The following MPRIP variants were observed in gnomAD, a reference collection of about 807,000 sequenced individuals.
MPRIP encodes the protein myosin phosphatase Rho interacting protein.
MPRIP carries 59 observed loss-of-function variants against 234.9 expected under a neutral mutation model. The observed-to-expected ratio is 0.25, with a 90% CI of 0.20 to 0.31. The LOEUF (loss-of-function observed/expected upper bound fraction) is 0.31. Among genes scored for constraint, MPRIP ranks in the 10% least tolerant of loss-of-function variants. MPRIP has a pLI of 1.00. For missense variants in MPRIP, 2,436 were observed against 3,071.0 expected, an observed-to-expected ratio of 0.79 and a Z score of 4.89; for synonymous variants, 1,144 against 1,263.9, an observed-to-expected ratio of 0.91 and a Z score of 2.01.
At chr17:17,096,389 A>G (rs1182226069) in intron 3 of MPRIP, among the ~76,000 whole-genome samples, 1 of 151,864 alleles carries the variant, frequency 6.6e-6, no homozygotes, top group Non-Finnish European at 1.5e-5. Flanking sequence ...GTGTGTTGGC[A>G]TCCTGCATTA....
At chr17:17,184,435 C>G (rs181694474) in intron 23 of MPRIP, among the ~76,000 whole-genome samples, 1 of 152,240 alleles carries the variant, frequency 6.6e-6, no homozygotes, top group Non-Finnish European at 1.5e-5. Context: ...TGAAGAATCT[C>G]TGGAGCTGGA....
At position 17,142,776 on chromosome 17, in the gene MPRIP, G is replaced by T. The variant is rs1427572504; in HGVS notation, c.1389+11G>T. ...TTCCCTAGGAAGCGGGTGAGCTCCTGGGGCTGGGCAGCACCTCAGGGGTGG... is the reference window on the plus strand; with the variant it reads ...TTCCCTAGGAAGCGGGTGAGCTCCTTGGGCTGGGCAGCACCTCAGGGGTGG... On this transcript the variant is annotated intron_variant, in intron 8 of 23. Coordinates refer to ENST00000651222, the MANE Select transcript of MPRIP (RefSeq NM_001364716.4). 1.2e-6 allele frequency: 2 copies of T among 1,611,384 alleles called. No homozygotes were observed. Among genetic ancestry groups the T allele is most frequent in the Non-Finnish European group, 1.7e-6 (2 of 1,179,212 alleles).
chr17:17,151,622 T>C (rs2045605305), intron 12 of MPRIP, among the ~76,000 whole-genome samples: 1 of 152,244 alleles, frequency 6.6e-6, no homozygotes, highest in African/African-American at 2.4e-5. Flanking sequence ...AATTTCCTGC[T>C]TCTGGCCAGG....
intron 3 of MPRIP, among the ~76,000 whole-genome samples, chr17:17,098,293 C>T (rs2089891238): frequency 6.6e-6 from 1 of 152,202 alleles, no homozygotes; most frequent in South Asian, 2.1e-4. Flanking sequence ...CTCCACCACC[C>T]ATTTGGCCTT....
chr17:17,139,620 CA>C (rs1287513053), intron 7 of MPRIP, among the ~76,000 whole-genome samples: 1 of 152,182 alleles, frequency 6.6e-6, no homozygotes, highest in Non-Finnish European at 1.5e-5. Flanking sequence ...CCTCGAAGGG[CA>C]GGTGGAGGGA....
chr17:17,094,560 A>C (rs559512283), intron 3 of MPRIP, among the ~76,000 whole-genome samples: 1 of 146,040 alleles, frequency 6.8e-6, no homozygotes, highest in African/African-American at 2.5e-5. Context: ...AGTGTGTCTT[A>C]TATTTTCTTC....
rs1311322418 is a variant in MPRIP, at chr17:17,187,066, C to T, written c.*2172C>T. 6.6e-6 allele frequency: 1 copy of T among 152,338 alleles called. No homozygotes were observed. The highest frequency in any genetic ancestry group is 1.5e-5 in the Non-Finnish European group (1 of 68,122). The allele number at this position is 152,338 out of a possible 1,614,324, so 9.4% of individuals were successfully genotyped here. A position where few individuals can be genotyped will look rare whatever the true frequency, so the allele number is the denominator to read the frequency against. ...CTGGGGGTGGACCCCACTGGCCCTT[C>T]TGCAGACAGCTCCCTGCCTTCTGCC... On this transcript the variant is annotated 3_prime_UTR_variant, in exon 24 of 24. Coordinates refer to ENST00000651222, the MANE Select transcript of MPRIP (RefSeq NM_001364716.4).
At chr17:17,177,543 G>A in intron 22 of MPRIP, 131 bp downstream of exon 22, 1 of 987,012 alleles carries the variant, frequency 1.0e-6, no homozygotes, top group Non-Finnish European at 1.5e-6. Context: ...CATCCCAGTG[G>A]AGCAGGAGCA....
rs112586562 is a variant in MPRIP, at chr17:17,049,227, A to G, written c.123+6256A>G. The stretch of plus-strand genomic sequence containing the variant: ...TGACTGCTAATGAGACTGGGGTTCT[A>G]TTTTGGGGGTGATGAAATGTTTTGG... On this transcript the variant is annotated intron_variant, in intron 1 of 23. Transcript: ENST00000651222. 7.3e-3 allele frequency among the ~76,000 whole-genome samples: 1,105 copies of G among 152,258 alleles called. 7 individuals carry two copies. The highest frequency in any genetic ancestry group is 0.011 in the Non-Finnish European group (761 of 67,996).
rs1034465144 is a variant in MPRIP at position 17,143,610 on chromosome 17, C to A, written c.1444C>A (p.Leu482Met). Residue 482 changes from leucine (L) to methionine (M), a missense_variant, in exon 9 of 24, where the codon CTG (leucine) becomes ATG (methionine). By Grantham distance (15) the Leu-to-Met change is conservative (BLOSUM62 2). Coordinates refer to ENST00000651222, the MANE Select transcript of MPRIP (RefSeq NM_001364716.4). ...TCTCCCAGACGCCTCGGCTTCCCCCCTGTCTCCACACCGAAGAGCCAAGTC... is the reference window on the plus strand; with the variant it reads ...TCTCCCAGACGCCTCGGCTTCCCCCATGTCTCCACACCGAAGAGCCAAGTC... ...APLPDASASP[L>M]SPHRRAKSLD... The A allele has an allele frequency of 1.9e-6, 3 of 1,607,194 alleles. No homozygotes were observed. Among genetic ancestry groups the A allele is most frequent in the South Asian group, 2.2e-5 (2 of 89,268 alleles).
At chr17:17,095,000 T>C (rs903108126) in intron 3 of MPRIP, among the ~76,000 whole-genome samples, 4 of 152,242 alleles carry the variant, frequency 2.6e-5, no homozygotes, top group African/African-American at 9.6e-5. Context: ...ATTCTCTAAG[T>C]TTATTGTCTT....
At chr17:17,115,446 G>A (rs564603121) in intron 3 of MPRIP, among the ~76,000 whole-genome samples, 14 of 152,202 alleles carry the variant, frequency 9.2e-5, no homozygotes, top group Non-Finnish European at 1.6e-4. Context: ...GCAGGGAGGC[G>A]AGCTCTTTCT....
chr17:17,187,001 CT>C lies in MPRIP; in HGVS notation c.*2109del, dbSNP rs1425722615. 1.3e-5 allele frequency: 2 copies of C among 152,282 alleles called. No individual in the cohort carries two copies. The highest frequency in any genetic ancestry group is 1.3e-4 in the Admixed American group (2 of 15,286). 9.4% of individuals were successfully genotyped at this position (152,282 alleles called of 1,614,324 possible). On this transcript the variant is annotated 3_prime_UTR_variant, in exon 24 of 24. Transcript: ENST00000651222. ...CGTTCTCTGAGGTCCACCACCTGCC[CT>C]TCCTGGCATGGTTTCCTTCGTGACC... is the stretch of plus-strand genomic sequence containing the variant.
intron 4 of MPRIP, among the ~76,000 whole-genome samples, chr17:17,129,915 C>T (rs982853166): frequency 5.3e-5 from 8 of 152,226 alleles, no homozygotes; most frequent in African/African-American, 1.9e-4. Flanking sequence ...TCCCATAGGG[C>T]TTGTGAACAT....
At chr17:17,123,703 C>CAAAAAAAAAAAAAA (rs371753802) in intron 3 of MPRIP, among the ~76,000 whole-genome samples, 1 of 59,286 alleles carries the variant, frequency 1.7e-5, no homozygotes, top group African/African-American at 5.3e-5. Flanking sequence ...GACTTCGTCT[C>CAAAAAAAAAAAAAA]AAAAAAAAAA....
intron 3 of MPRIP, among the ~76,000 whole-genome samples, chr17:17,123,650 G>A (rs2090434605): frequency 6.8e-6 from 1 of 146,138 alleles, no homozygotes; most frequent in Non-Finnish European, 1.5e-5. Context: ...GTTGCAGTGA[G>A]CTGAGATCAC....
intron 7 of MPRIP, among the ~76,000 whole-genome samples, chr17:17,140,742 T>C (rs1472939957): frequency 9.2e-5 from 14 of 152,194 alleles, no homozygotes; most frequent in Admixed American, 9.2e-4. Context: ...GAGTGTTTCT[T>C]GGATAGTGAG....
chr17:17,172,664 T>C (rs2046166906), intron 17 of MPRIP, 34 bp from the exon 18 acceptor site: 2 of 1,571,942 alleles, frequency 1.3e-6, no homozygotes, highest in Non-Finnish European at 1.7e-6. Flanking sequence ...AAGGGCGTGG[T>C]CCCTCGGTGC....
In MPRIP at chr17:17,078,852, C is replaced by T. The variant is rs993878987; in HGVS notation, c.267+776C>T. On this transcript the variant is annotated intron_variant, in intron 3 of 23. Coordinates refer to ENST00000651222, the MANE Select transcript of MPRIP (RefSeq NM_001364716.4). This position sits in a 1 kb window ranked among gnomAD's most constrained non-coding sequence, Gnocchi z 4.3. ...GGGTTGAAGATGCGAGATTTGATCG[C>T]CTTTTCCAGTTCCACTTGGTGGGTG... Among the ~76,000 whole-genome samples the T allele has an allele frequency of 2.0e-5, 3 of 152,224 alleles. No individual in the cohort carries two copies. Among genetic ancestry groups the T allele is most frequent in the Non-Finnish European group, 4.4e-5 (3 of 68,048 alleles).
Sources: gnomAD v4.1 joint callset for allele counts (sites outside exome capture counted in the v4.1 genomes callset) on GRCh38, gnomAD v4.1.1 for gene constraint, Gnocchi (gnomAD v3.1) non-coding constraint, MANE v1.5 for transcripts, NCBI Gene and HGNC (gene_info 2026-07-23, HGNC 2026-07-21) for gene names.